The following KIF6 variants were observed in gnomAD, a reference collection of about 807,000 sequenced individuals.
KIF6 encodes kinesin family member 6.
In KIF6, 106 loss-of-function variants were observed where a neutral mutation model predicts 112.7. That is an observed-to-expected ratio of 0.94 (90% CI 0.80 to 1.11). The LOEUF (loss-of-function observed/expected upper bound fraction) is 1.11. KIF6 is among the 50% of genes least tolerant of loss of function. The pLI is 0.00. For synonymous variants in KIF6, 339 were observed against 339.9 expected, an observed-to-expected ratio of 1.00 and a Z score of 0.03; for missense variants, 929 against 964.0, an observed-to-expected ratio of 0.96 and a Z score of 0.48.
chr6:39,464,813 G>A (rs377192400), intron 13 of KIF6, among the ~76,000 whole-genome samples: 2 of 152,168 alleles, frequency 1.3e-5, no homozygotes, highest in South Asian at 4.1e-4. Context: ...TACCTACAAT[G>A]GAAAAAAAGC....
chr6:39,457,157 T>C (rs1411659656), intron 13 of KIF6, among the ~76,000 whole-genome samples: 1 of 151,140 alleles, frequency 6.6e-6, no homozygotes, highest in East Asian at 1.9e-4. Context: ...GAACAGAAAT[T>C]ATAACAAACT....
chr6:39,674,961 A>C (rs958908410), intron 3 of KIF6, among the ~76,000 whole-genome samples: 5 of 151,918 alleles, frequency 3.3e-5, no homozygotes, highest in African/African-American at 1.2e-4. Flanking sequence ...CAGGAGAGGG[A>C]AATGTAAAAT....
In KIF6 at chr6:39,524,040, T is replaced by C. The variant is rs148867501; in HGVS notation, c.1645+15963A>G. Among the ~76,000 whole-genome samples, 536 of 152,132 alleles carry C rather than the reference T, an allele frequency of 3.5e-3. 5 individuals carry two copies. The highest frequency in any genetic ancestry group is 6.4e-3 in the Non-Finnish European group (434 of 68,004). ...CTTATGTTCTCCACCTCATTTAGAA[T>C]AGCACAGTACTTCATGTGTTTCACA... is the stretch of plus-strand genomic sequence containing the variant. On this transcript the variant is annotated intron_variant, in intron 13 of 22. Coordinates refer to ENST00000287152, the MANE Select transcript of KIF6 (RefSeq NM_145027.6).
At chr6:39,367,257 A>G (rs575661981) in intron 16 of KIF6, among the ~76,000 whole-genome samples, 3 of 152,324 alleles carry the variant, frequency 2.0e-5, no homozygotes, top group Admixed American at 6.5e-5. Flanking sequence ...CTGAGCAAGA[A>G]CAGAAGAAGA....
rs141406865 is a variant in KIF6, at chr6:39,596,235, C to A, written c.665G>T (p.Arg222Leu). ...ATGAATGGTGAAAATGCAGTGGGAA[C>A]GGGTTGAAGCTTGGTTCATAGGAGT... ...AETPMNQASTRSHCIFTIHLS... is the reference protein window; with the variant it reads ...AETPMNQASTLSHCIFTIHLS... The change falls in exon 7 of 23, where the codon CGT becomes CTT. Residue 222 changes from arginine to leucine, a missense_variant. By Grantham distance (102) the Arg-to-Leu change is moderately radical (BLOSUM62 -2). Coordinates refer to ENST00000287152, the MANE Select transcript of KIF6 (RefSeq NM_145027.6). 1 of 1,613,768 alleles carries A rather than the reference C, an allele frequency of 6.2e-7. No individual in the cohort carries two copies. The highest frequency in any genetic ancestry group is 1.7e-5 in the Admixed American group (1 of 59,978).
intron 13 of KIF6, among the ~76,000 whole-genome samples, chr6:39,490,662 C>T (rs1040247302): frequency 1.3e-5 from 2 of 152,070 alleles, no homozygotes; most frequent in African/African-American, 4.8e-5. Flanking sequence ...TCAGAGCACA[C>T]CCTAGGATTA....
intron 3 of KIF6, among the ~76,000 whole-genome samples, chr6:39,686,139 T>A (rs1193541951): frequency 6.6e-6 from 1 of 152,226 alleles, no homozygotes; most frequent in Non-Finnish European, 1.5e-5. Context: ...AATGACATCT[T>A]CTTCTTAAGT....
intron 22 of KIF6, among the ~76,000 whole-genome samples, chr6:39,337,252 T>TTACCTCCC (rs1763079299): frequency 1.1e-5 from 1 of 94,874 alleles, no homozygotes. Flanking sequence ...TTTCTTTTCT[T>TTACCTCCC]TCCCTCCCTC....
chr6:39,518,804 C>G (rs1439227661), intron 13 of KIF6, among the ~76,000 whole-genome samples: 1 of 152,086 alleles, frequency 6.6e-6, no homozygotes, highest in African/African-American at 2.4e-5. Flanking sequence ...AAATGTCACT[C>G]CAGTCATTCA....
At chr6:39,682,192 G>A (rs79529775) in intron 3 of KIF6, among the ~76,000 whole-genome samples, 1,995 of 152,244 alleles carry the variant, frequency 0.013, 45 homozygotes, top group African/African-American at 0.046. Context: ...GTTATGCATC[G>A]CTAAACAATA....
At chr6:39,419,803 G>C in intron 15 of KIF6, 145 bp downstream of exon 15, 1 of 772,922 alleles carries the variant, frequency 1.3e-6, no homozygotes. Context: ...ACTTCCTAGG[G>C]AAGGCTCTCA....
chr6:39,622,315 CA>C (rs2150737502), intron 5 of KIF6, among the ~76,000 whole-genome samples: 1 of 152,008 alleles, frequency 6.6e-6, no homozygotes, highest in East Asian at 1.9e-4. Context: ...ATTTATTAGG[CA>C]AATTTTATAT....
At chr6:39,680,692 G>C (rs1787461379) in intron 3 of KIF6, among the ~76,000 whole-genome samples, 1 of 152,144 alleles carries the variant, frequency 6.6e-6, no homozygotes. Context: ...ACTAGAAATA[G>C]GTGGTCATTA....
chr6:39,368,686 A>C (rs1239530530), intron 16 of KIF6, among the ~76,000 whole-genome samples: 13 of 152,154 alleles, frequency 8.5e-5, no homozygotes, highest in Admixed American at 8.5e-4. Context: ...GCTAGGTGTG[A>C]GGAGCTATAT....
intron 3 of KIF6, among the ~76,000 whole-genome samples, chr6:39,703,094 G>A (rs1339143115): frequency 3.5e-5 from 2 of 56,888 alleles, no homozygotes; most frequent in African/African-American, 1.4e-4. Context: ...CCCCACTCCC[G>A]GCCACCAAGA....
chr6:39,591,919 T>A (rs1419357542), intron 7 of KIF6, among the ~76,000 whole-genome samples: 2 of 152,138 alleles, frequency 1.3e-5, no homozygotes, highest in African/African-American at 4.8e-5. Context: ...GAGACCATCC[T>A]GGCTAACATG....
At chr6:39,436,741 C>A (rs1771559533) in intron 13 of KIF6, among the ~76,000 whole-genome samples, 1 of 152,114 alleles carries the variant, frequency 6.6e-6, no homozygotes, top group South Asian at 2.1e-4. Context: ...ACTTTTACAT[C>A]AGTACCATGC....
At chr6:39,724,753 G>A (rs1211926285) in intron 1 of KIF6, among the ~76,000 whole-genome samples, 1 of 152,194 alleles carries the variant, frequency 6.6e-6, no homozygotes, top group Non-Finnish European at 1.5e-5. Flanking sequence ...ATATGTGTAT[G>A]CTTTGTGCAT....
chr6:39,546,088 AT>A (rs748277932), intron 10 of KIF6, among the ~76,000 whole-genome samples: 3 of 152,088 alleles, frequency 2.0e-5, no homozygotes, highest in African/African-American at 4.8e-5. Context: ...ATACCCCACT[AT>A]TTTTTTAATC....
Sources: gnomAD v4.1 joint callset for allele counts (sites outside exome capture counted in the v4.1 genomes callset) on GRCh38, gnomAD v4.1.1 for gene constraint, MANE v1.5 for transcripts, NCBI Gene and HGNC (gene_info 2026-07-23, HGNC 2026-07-21) for gene names.